The following SPATA22 variants were observed in gnomAD, a reference collection of about 807,000 sequenced individuals.
The protein encoded by SPATA22 is spermatogenesis-associated protein 22.
A neutral mutation model predicts 47.8 loss-of-function variants in SPATA22; 29 were observed. The observed-to-expected ratio is 0.61, with a 90% CI of 0.45 to 0.83. SPATA22 has a LOEUF of 0.83. Ranked by LOEUF, SPATA22 falls within the 40% of genes least tolerant of loss-of-function variation. The pLI is 0.00. For missense variants in SPATA22, 410 were observed against 421.7 expected, an observed-to-expected ratio of 0.97 and a Z score of 0.24; for synonymous variants, 133 against 140.9, an observed-to-expected ratio of 0.94 and a Z score of 0.40.
chr17:3,479,534 T>A (rs2073591437), intron 1 of SPATA22, among the ~76,000 whole-genome samples: 1 of 152,176 alleles, frequency 6.6e-6, no homozygotes, highest in Non-Finnish European at 1.5e-5. Context: ...CATGATATCA[T>A]CAATGCCACA....
At chr17:3,441,505 C>T (rs892978274) in intron 8 of SPATA22, 10 of 152,002 alleles carry the variant, frequency 6.6e-5, no homozygotes, top group African/African-American at 2.4e-4. Flanking sequence ...ATCGACAATA[C>T]TAAGCGTTCG....
At position 3,443,257 on chromosome 17, in the gene SPATA22, C is replaced by G; in HGVS notation, c.817G>C (p.Ala273Pro). Residue 273 changes from alanine (A) to proline (P), a missense_variant, in exon 8 of 9, where the codon GCT becomes CCT. Coordinates refer to ENST00000572969, the MANE Select transcript of SPATA22 (RefSeq NM_001170698.2). ...LFEVLAVLDSAVTPGPYYSKT... is the reference protein window; with the variant it reads ...LFEVLAVLDSPVTPGPYYSKT... ...GAATAATATGGGCCAGGTGTAACAG[C>G]TGAATCAAGAACAGCTAAGCAATAT... 1.2e-6 allele frequency: 2 copies of G among 1,608,396 alleles called. No individual in the cohort carries two copies. Among genetic ancestry groups the G allele is most frequent in the Non-Finnish European group, 1.7e-6 (2 of 1,177,132 alleles).
At position 3,506,818 on chromosome 17, in the gene SPATA22, G is replaced by A. The variant is rs373193964; in HGVS notation, c.-74+6594C>T. On this transcript the variant is annotated intron_variant, in intron 1 of 8. Coordinates refer to the SPATA22 transcript ENST00000541913. ...TACCTGGGCTTGGTGGCGGGTGCCT[G>A]TAGTCCCAGCTACTTGTGAGGCTGA... 3.3e-5 allele frequency among the ~76,000 whole-genome samples: 5 copies of A among 152,198 alleles called. No individual in the cohort carries two copies. The East Asian group carries it at 7.7e-4, about 23-fold the overall frequency.
At chr17:3,507,806 G>T (rs1490259677) in intron 1 of SPATA22, among the ~76,000 whole-genome samples, 1 of 152,132 alleles carries the variant, frequency 6.6e-6, no homozygotes, top group East Asian at 1.9e-4. Context: ...GAATCCTTTG[G>T]GGAGGTAATT....
At chr17:3,477,775 A>C (rs1309178123) in intron 1 of SPATA22, among the ~76,000 whole-genome samples, 1 of 152,114 alleles carries the variant, frequency 6.6e-6, no homozygotes, top group Non-Finnish European at 1.5e-5. Flanking sequence ...TTTACTAAAA[A>C]ATATTCTGAA....
intron 1 of SPATA22, among the ~76,000 whole-genome samples, chr17:3,484,598 G>T (rs561932969): frequency 2.0e-5 from 3 of 152,166 alleles, no homozygotes; most frequent in Non-Finnish European, 4.4e-5. Context: ...GTGATGAAAG[G>T]CCATTGCTGA....
chr17:3,442,779 A>G, intron 8 of SPATA22, among the ~76,000 whole-genome samples: 1 of 151,918 alleles, frequency 6.6e-6, no homozygotes, highest in Middle Eastern at 3.2e-3. Context: ...GTCCTTAAAG[A>G]TCTAGGATAA....
chr17:3,458,237 C>T (rs550091315), intron 5 of SPATA22, among the ~76,000 whole-genome samples: 5 of 152,142 alleles, frequency 3.3e-5, no homozygotes, highest in Non-Finnish European at 7.4e-5. Flanking sequence ...CATCACTAAT[C>T]AGCAGGAAAA....
At chr17:3,453,978 A>C (rs1262151824) in intron 5 of SPATA22, among the ~76,000 whole-genome samples, 2 of 152,142 alleles carry the variant, frequency 1.3e-5, no homozygotes, top group Non-Finnish European at 2.9e-5. Flanking sequence ...AGAAAACCCT[A>C]AAAACTCCAT....
At chr17:3,443,119 C>G in intron 8 of SPATA22, 55 bp downstream of exon 8, 1 of 1,175,274 alleles carries the variant, frequency 8.5e-7, no homozygotes, top group Non-Finnish European at 1.2e-6. Flanking sequence ...TTATAGCCTG[C>G]ATGTTTATAT....
chr17:3,508,103 C>T (rs142338335), intron 1 of SPATA22, among the ~76,000 whole-genome samples: 2 of 152,312 alleles, frequency 1.3e-5, no homozygotes, highest in Non-Finnish European at 2.9e-5. Context: ...CAGTATTTCA[C>T]TTATTAACAA....
At chr17:3,458,323 A>T (rs1240007288) in intron 5 of SPATA22, among the ~76,000 whole-genome samples, 2 of 152,156 alleles carry the variant, frequency 1.3e-5, no homozygotes, top group Non-Finnish European at 2.9e-5. Context: ...TCAAAAGATA[A>T]CAAGTGTTGG....
upstream of SPATA22, chr17:3,471,875 G>A (rs1597417351): frequency 2.0e-6 from 2 of 985,302 alleles, no homozygotes; most frequent in African/African-American, 1.7e-5. Context: ...ACCTCGGCGC[G>A]ATGGCATCTT....
rs554106095 is a variant in SPATA22 at position 3,491,145 on chromosome 17, G to A, written c.-73-21747C>T. On this transcript the variant is annotated intron_variant, in intron 1 of 8. Transcript: ENST00000541913. ...ACATATGCGACATGCTTAGCTAAGT[G>A]ACAGGTCTCAGGAAGATAGCAGGAA... Among the ~76,000 whole-genome samples, 18 of 152,320 alleles carry A rather than the reference G, an allele frequency of 1.2e-4. 1 individual carries two copies. In the South Asian group the frequency reaches 3.7e-3, roughly 32 times the overall value.
chr17:3,482,309 A>G (rs1053874120), intron 1 of SPATA22, among the ~76,000 whole-genome samples: 3 of 152,174 alleles, frequency 2.0e-5, no homozygotes, highest in Non-Finnish European at 4.4e-5. Context: ...CCTCGTCCCC[A>G]TTTGATTTAG....
rs2228435 is a variant in SPATA22 at position 3,483,526 on chromosome 17, G to A, written c.-73-14128C>T. 3.2e-5 allele frequency: 51 copies of A among 1,613,870 alleles called. No individual in the cohort carries two copies. Among genetic ancestry groups the A allele is most frequent in the African/African-American group, 2.1e-4 (16 of 74,860 alleles). Reference sequence around the variant, plus strand: ...TTCTCTGGCTCCACTACCCTGCTACGTTTATCTGATTGAGCATCCTTCCCT... The same window carrying A: ...TTCTCTGGCTCCACTACCCTGCTACATTTATCTGATTGAGCATCCTTCCCT... On this transcript the variant is annotated intron_variant, in intron 1 of 8. Transcript: ENST00000541913.
At chr17:3,446,104 C>T (rs74441143) in intron 7 of SPATA22, among the ~76,000 whole-genome samples, 2,407 of 152,166 alleles carry the variant, frequency 0.016, 67 homozygotes, top group African/African-American at 0.055. Context: ...CAATGCTTTC[C>T]TTGTATAAGG....
At chr17:3,491,430 T>A (rs1461987215) in intron 1 of SPATA22, among the ~76,000 whole-genome samples, 1 of 152,132 alleles carries the variant, frequency 6.6e-6, no homozygotes, top group South Asian at 2.1e-4. Context: ...TTGAGAATGT[T>A]GAAGAGCTTG....
chr17:3,508,685 A>G (rs1479926565), intron 1 of SPATA22, among the ~76,000 whole-genome samples: 2 of 136,220 alleles, frequency 1.5e-5, no homozygotes, highest in East Asian at 2.2e-4. Flanking sequence ...TCACTCATAG[A>G]TGGGAATTGA....
Sources: allele counts gnomAD v4.1 joint callset (sites outside exome capture counted in the v4.1 genomes callset), GRCh38; gene constraint gnomAD v4.1.1; transcripts MANE v1.5; gene names NCBI Gene and HGNC (gene_info 2026-07-23, HGNC 2026-07-21).